Variants in VPS16 observed in about 807,000 individuals in gnomAD.
The protein encoded by VPS16 is vacuolar protein sorting-associated protein 16 homolog.
VPS16 carries 82 observed loss-of-function variants against 116.0 expected under a neutral mutation model. The ratio of observed to expected loss-of-function variants is 0.71; its 90% CI spans 0.59 to 0.85. VPS16 has a LOEUF of 0.85. Ranked by LOEUF, VPS16 falls within the 40% of genes least tolerant of loss-of-function variation. The pLI, the probability that VPS16 is intolerant of heterozygous loss-of-function variation, is 0.00. For synonymous variants in VPS16, 406 were observed against 420.7 expected (o/e 0.96, Z 0.43); for missense variants, 928 against 1,090.6 (o/e 0.85, Z 2.10).
At chr20:2,853,604 A>G (rs901144075) in intron 1 of VPS16, among the ~76,000 whole-genome samples, 6 of 152,148 alleles carry the variant, frequency 3.9e-5, no homozygotes, top group Non-Finnish European at 7.3e-5. Context: ...ATTGGAATCA[A>G]CTTCTTCCAA....
Position 2,863,971 on chromosome 20 carries a change from A to T in VPS16, c.1499A>T (p.Asp500Val), listed in dbSNP as rs1285090453. The T allele has an allele frequency of 6.2e-7, 1 of 1,614,016 alleles. No homozygotes were observed. Among genetic ancestry groups the T allele is most frequent in the East Asian group, 2.2e-5 (1 of 44,864 alleles). ...CYKVQQKDVS[D>V]EDVARAINQK... ...CAGGTGCAACAGAAGGATGTCTCAGATGAGGATGTGGCTCGAGCCATTAAC... is the reference window on the plus strand; with the variant it reads ...CAGGTGCAACAGAAGGATGTCTCAGTTGAGGATGTGGCTCGAGCCATTAAC... Residue 500 changes from aspartate to valine, a missense_variant, in exon 16 of 24, where the codon GAT becomes GTT. By Grantham distance (152) the Asp-to-Val change is radical (BLOSUM62 -3). Transcript: ENST00000380445. This position sits in a 1 kb window ranked among gnomAD's most constrained non-coding sequence, Gnocchi z 4.4.
Position 2,863,924 on chromosome 20 carries a change from T to C in VPS16, c.1477-25T>C. ...AGAGTGAGGAATGGCATCCAGATGTTTGTGACACCCCGCATCCCTTGCAGG... is the reference window on the plus strand; with the variant it reads ...AGAGTGAGGAATGGCATCCAGATGTCTGTGACACCCCGCATCCCTTGCAGG... On this transcript the variant is annotated intron_variant, in intron 15 of 23. Transcript: ENST00000380445. The surrounding 1 kb of genome is among the most constrained non-coding windows in gnomAD (Gnocchi z 4.4). 6.2e-7 allele frequency: 1 copy of C among 1,609,092 alleles called. No individual in the cohort carries two copies. The highest frequency in any genetic ancestry group is 8.5e-7 in the Non-Finnish European group (1 of 1,176,378).
chr20:2,847,813 G>T (rs903311773), intron 1 of VPS16, among the ~76,000 whole-genome samples: 3 of 151,796 alleles, frequency 2.0e-5, no homozygotes, highest in South Asian at 2.1e-4. Flanking sequence ...TGTCTGCACC[G>T]ATACTCTAAT....
chr20:2,852,545 A>G lies in VPS16; in HGVS notation c.54-7174A>G, dbSNP rs1358920201. ...TCAAATAATGCCAAAGTATATACAG[A>G]CATGCTTTGGAGATATTATGGGTTC... On this transcript the variant is annotated intron_variant, in intron 1 of 23. Coordinates refer to ENST00000380445, the MANE Select transcript of VPS16 (RefSeq NM_022575.4). Among the ~76,000 whole-genome samples the G allele has an allele frequency of 2.6e-5, 4 of 152,302 alleles. No homozygotes were observed. In the East Asian group the frequency reaches 7.7e-4, roughly 29 times the overall value.
At position 2,863,524 on chromosome 20, in the gene VPS16, AGGC is replaced by A; in HGVS notation, c.1476+127_1476+129del. On this transcript the variant is annotated intron_variant, in intron 15 of 23. Transcript: ENST00000380445. This position sits in a 1 kb window ranked among gnomAD's most constrained non-coding sequence, Gnocchi z 4.4. ...ATGCCTGTAATCCCAACACTTTGGG[AGGC>A]TGAGGCGGGCGAATCACCTGAGGTC... The A allele has an allele frequency of 3.1e-6, 3 of 956,118 alleles. No individual in the cohort carries two copies. Among genetic ancestry groups the A allele is most frequent in the Non-Finnish European group, 4.7e-6 (3 of 636,316 alleles). The allele number at this position is 956,118 out of a possible 1,614,324, so 59.2% of individuals were successfully genotyped here.
chr20:2,863,935 C>T lies in VPS16; in HGVS notation c.1477-14C>T, dbSNP rs201456550. On this transcript the variant is annotated splice_polypyrimidine_tract_variant and intron_variant, in intron 15 of 23. Transcript: ENST00000380445. This position sits in a 1 kb window ranked among gnomAD's most constrained non-coding sequence, Gnocchi z 4.4. Reference sequence around the variant, plus strand: ...TGGCATCCAGATGTTTGTGACACCCCGCATCCCTTGCAGGTGCAACAGAAG... The same window carrying T: ...TGGCATCCAGATGTTTGTGACACCCTGCATCCCTTGCAGGTGCAACAGAAG... 381 of 1,612,094 alleles carry T rather than the reference C, an allele frequency of 2.4e-4. 1 individual carries two copies. The African/African-American group carries it at 4.3e-3, about 18-fold the overall frequency.
chr20:2,841,839 C>T (rs1165363484), intron 1 of VPS16, among the ~76,000 whole-genome samples: 2 of 151,866 alleles, frequency 1.3e-5, no homozygotes, highest in African/African-American at 2.4e-5. Context: ...CTGCAACCTC[C>T]GCCTCCCGGG....
chr20:2,850,992 A>G (rs936910532), intron 1 of VPS16, among the ~76,000 whole-genome samples: 16 of 151,614 alleles, frequency 1.1e-4, no homozygotes, highest in African/African-American at 3.6e-4. Flanking sequence ...AAGAAAAAGA[A>G]TATGAGATAT....
At chr20:2,851,262 G>A (rs541983861) in intron 1 of VPS16, among the ~76,000 whole-genome samples, 1 of 152,312 alleles carries the variant, frequency 6.6e-6, no homozygotes, top group East Asian at 1.9e-4. Flanking sequence ...TTAGGTGGAC[G>A]GTGTGAATGG....
chr20:2,864,163 C>T lies in VPS16; in HGVS notation c.1612-16C>T, dbSNP rs1200227570. On this transcript the variant is annotated splice_polypyrimidine_tract_variant and intron_variant, in intron 16 of 23. Coordinates refer to ENST00000380445, the MANE Select transcript of VPS16 (RefSeq NM_022575.4). This position sits in a 1 kb window ranked among gnomAD's most constrained non-coding sequence, Gnocchi z 5.2. The stretch of plus-strand genomic sequence containing the variant: ...TGCCAGCTCCTTCTCTCTGTGCCTT[C>T]CTTCTCACCTCACAGCTGCTGGAGT... 6.2e-7 allele frequency: 1 copy of T among 1,614,052 alleles called. No individual in the cohort carries two copies. Among genetic ancestry groups the T allele is most frequent in the African/African-American group, 1.3e-5 (1 of 74,934 alleles).
intron 1 of VPS16, chr20:2,841,190 C>A: frequency 3.2e-6 from 1 of 308,524 alleles, no homozygotes; most frequent in Admixed American, 4.9e-5. Context: ...GGGGCGGGAT[C>A]GCACGGCGGG....
At chr20:2,862,750 A>C (rs537294508) in intron 12 of VPS16, 40 bp downstream of exon 12, 37 of 255,538 alleles carry the variant, frequency 1.4e-4, no homozygotes, top group East Asian at 9.8e-4. Context: ...TGGGGCTGGG[A>C]GGGGGTGGGA....
intron 1 of VPS16, among the ~76,000 whole-genome samples, chr20:2,851,610 C>T (rs1374084551): frequency 1.4e-4 from 21 of 150,654 alleles, no homozygotes; most frequent in African/African-American, 3.9e-4. Flanking sequence ...TGCAGTGAGC[C>T]GGTATTGCTC....
chr20:2,840,751 TC>T lies in VPS16; in HGVS notation c.-21del. 2 of 1,547,782 alleles carry T rather than the reference TC, an allele frequency of 1.3e-6. No homozygotes were observed. The highest frequency in any genetic ancestry group is 4.9e-5 in the East Asian group (2 of 40,850). On this transcript the variant is annotated 5_prime_UTR_variant, in exon 1 of 24. Transcript: ENST00000380445. ...TCTAGGTGGGTGTCCCCTCGGTGCT[TC>T]CCAGCTGCCGTCTGCACCAGCCATG... is the stretch of plus-strand genomic sequence containing the variant.
In VPS16 at chr20:2,865,302, G is replaced by A. The variant is rs575359761; in HGVS notation, c.2159G>A (p.Arg720His). The A allele has an allele frequency of 1.7e-5, 28 of 1,614,098 alleles. No individual in the cohort carries two copies. The Admixed American group carries it at 2.2e-4, about 12-fold the overall frequency. Residue 720 changes from arginine to histidine, a missense_variant, in exon 21 of 24, where the codon CGC becomes CAC. Arg to His is a conservative substitution (Grantham distance 29). Transcript: ENST00000380445. The surrounding 1 kb of genome is among the most constrained non-coding windows in gnomAD (Gnocchi z 5.2). ...GCAGAGCAGCTGGCACGTGACTTCC[G>A]CATCCCTGACAAGAGGTAGGTGAGG... ...KRAEQLARDF[R>H]IPDKRLWWLK...
intron 8 of VPS16, 42 bp from the exon 9 acceptor site, chr20:2,861,573 C>T: frequency 1.3e-6 from 2 of 1,566,616 alleles, no homozygotes; most frequent in Non-Finnish European, 8.7e-7. Flanking sequence ...GGAGACATGG[C>T]CATGGGACAG....
intron 1 of VPS16, among the ~76,000 whole-genome samples, chr20:2,858,581 G>A (rs558615855): frequency 3.3e-5 from 5 of 151,904 alleles, no homozygotes; most frequent in Non-Finnish European, 7.4e-5. Flanking sequence ...TAATGAGAAG[G>A]TCCCTGAAAT....
rs747920793 is a variant in VPS16, at chr20:2,860,560, G to A, written c.481G>A (p.Asp161Asn). Residue 161 changes from aspartate (D) to asparagine (N), a missense_variant, in exon 5 of 24, where the codon GAC (aspartate) becomes AAC (asparagine). Asp to Asn is a conservative substitution (Grantham distance 23). Coordinates refer to ENST00000380445, the MANE Select transcript of VPS16 (RefSeq NM_022575.4). This position sits in a 1 kb window ranked among gnomAD's most constrained non-coding sequence, Gnocchi z 6.1. ...HRFTLSANVG[D>N]LKLRRMPEVP... is the part of the protein sequence containing the mutation. ...CTTCACCCTCAGTGCCAATGTGGGT[G>A]ACCTCAAACTCCGCCGGATGCCAGA... The A allele has an allele frequency of 8.1e-6, 13 of 1,613,876 alleles. No homozygotes were observed. The highest frequency in any genetic ancestry group is 6.8e-6 in the Non-Finnish European group (8 of 1,180,000).
In VPS16 at chr20:2,865,526, C is replaced by A; in HGVS notation, c.2271+31C>A. Reference sequence around the variant, plus strand: ...GCAGGGTCCTCCCTCCAGCCCACTTCCAGTGAGGGTAGTCTTCGGGAGAGA... The same window carrying A: ...GCAGGGTCCTCCCTCCAGCCCACTTACAGTGAGGGTAGTCTTCGGGAGAGA... On this transcript the variant is annotated intron_variant, in intron 22 of 23. Coordinates refer to ENST00000380445, the MANE Select transcript of VPS16 (RefSeq NM_022575.4). This position sits in a 1 kb window ranked among gnomAD's most constrained non-coding sequence, Gnocchi z 5.2. The A allele has an allele frequency of 6.3e-7, 1 of 1,598,456 alleles. No individual in the cohort carries two copies. Among genetic ancestry groups the A allele is most frequent in the Non-Finnish European group, 8.6e-7 (1 of 1,169,022 alleles).
Sources: allele counts gnomAD v4.1 joint callset (sites outside exome capture counted in the v4.1 genomes callset), GRCh38; gene constraint gnomAD v4.1.1; non-coding constraint Gnocchi (gnomAD v3.1); transcripts MANE v1.5; gene names NCBI Gene and HGNC (gene_info 2026-07-23, HGNC 2026-07-21).